Variants in PRDM5 observed in about 807,000 individuals in gnomAD.
PRDM5 encodes PR domain zinc finger protein 5.
PRDM5 carries 56 observed loss-of-function variants against 81.2 expected under a neutral mutation model. The observed-to-expected ratio is 0.69, with a 90% CI of 0.56 to 0.86. The LOEUF is 0.86. PRDM5 is among the 40% of genes least tolerant of loss of function. PRDM5 has a pLI of 0.00. For synonymous variants in PRDM5, 267 were observed against 256.4 expected (o/e 1.04, Z -0.39); for missense variants, 697 against 770.1 (o/e 0.91, Z 1.12).
At chr4:120,899,196 A>G (rs1332832733) in intron 2 of PRDM5, among the ~76,000 whole-genome samples, 4 of 152,140 alleles carry the variant, frequency 2.6e-5, no homozygotes, top group Non-Finnish European at 5.9e-5. Context: ...TACCTCAGAA[A>G]AAAAGCAGGG....
At chr4:120,853,830 A>G (rs540050001) in intron 2 of PRDM5, among the ~76,000 whole-genome samples, 5 of 152,298 alleles carry the variant, frequency 3.3e-5, no homozygotes, top group African/African-American at 1.2e-4. Flanking sequence ...AGTATATTCC[A>G]GTATATGTAT....
At chr4:120,709,068 A>C (rs889012947) in intron 15 of PRDM5, among the ~76,000 whole-genome samples, 10 of 152,170 alleles carry the variant, frequency 6.6e-5, no homozygotes, top group African/African-American at 2.2e-4. Flanking sequence ...GTTTCAAAAA[A>C]CATAACATGA....
chr4:120,773,938 A>C (rs1747680340), intron 13 of PRDM5, among the ~76,000 whole-genome samples: 1 of 152,216 alleles, frequency 6.6e-6, no homozygotes, highest in Non-Finnish European at 1.5e-5. Context: ...CTAGTTTAGC[A>C]AATGCAGGTA....
intron 3 of PRDM5, among the ~76,000 whole-genome samples, chr4:120,834,122 T>G (rs188512822): frequency 6.6e-6 from 1 of 152,276 alleles, no homozygotes; most frequent in Admixed American, 6.5e-5. Context: ...AAATCAGGCA[T>G]AGATTAAACA....
intron 15 of PRDM5, 69 bp downstream of exon 15, chr4:120,710,240 T>TACAC (rs34444497): frequency 3.9e-6 from 4 of 1,026,244 alleles, no homozygotes; most frequent in Admixed American, 2.1e-5. Flanking sequence ...CACACACACA[T>TACAC]ACACACACAC....
chr4:120,895,153 AGGG>A (rs1489108540), intron 2 of PRDM5, among the ~76,000 whole-genome samples: 1 of 152,208 alleles, frequency 6.6e-6, no homozygotes, highest in Non-Finnish European at 1.5e-5. Flanking sequence ...CACTAATGCA[AGGG>A]GGATAAGCAC....
intron 10 of PRDM5, among the ~76,000 whole-genome samples, chr4:120,788,564 G>C (rs1461694928): frequency 1.3e-5 from 2 of 152,182 alleles, no homozygotes; most frequent in Non-Finnish European, 2.9e-5. Flanking sequence ...TGGAACACAG[G>C]ATTGCTCCCA....
chr4:120,818,213 G>T, intron 5 of PRDM5, 140 bp downstream of exon 5: 2 of 797,924 alleles, frequency 2.5e-6, no homozygotes, highest in Non-Finnish European at 4.1e-6. Context: ...AATGTAAAAT[G>T]CTTAATCTCT....
chr4:120,707,310 C>T (rs1200580162), intron 15 of PRDM5, among the ~76,000 whole-genome samples: 1 of 142,848 alleles, frequency 7.0e-6, no homozygotes, highest in Non-Finnish European at 1.6e-5. Context: ...ATCATACGAA[C>T]AGAACAAAGG....
Position 120,692,524 on chromosome 4 carries a change from A to G in PRDM5, c.*2587T>C, listed in dbSNP as rs1734127944. 6.6e-6 allele frequency: 1 copy of G among 152,180 alleles called. No individual in the cohort carries two copies. Among genetic ancestry groups the G allele is most frequent in the African/African-American group, 2.4e-5 (1 of 41,448 alleles). 9.4% of individuals were successfully genotyped at this position (152,180 alleles called of 1,614,324 possible). On this transcript the variant is annotated 3_prime_UTR_variant, in exon 16 of 16. Coordinates refer to ENST00000264808, the MANE Select transcript of PRDM5 (RefSeq NM_018699.4). Reference sequence around the variant, plus strand: ...AACAACACACCATGAAAAGGAAAACAAAAGCCAGTTATTGTGAAACAAAGG... The same window carrying G: ...AACAACACACCATGAAAAGGAAAACGAAAGCCAGTTATTGTGAAACAAAGG...
chr4:120,768,442 C>G (rs1746724309), intron 13 of PRDM5, among the ~76,000 whole-genome samples: 1 of 152,068 alleles, frequency 6.6e-6, no homozygotes, highest in African/African-American at 2.4e-5. Context: ...CCTCTTTCAA[C>G]AAATTTAAAG....
At chr4:120,698,973 A>G (rs555624873) in intron 15 of PRDM5, among the ~76,000 whole-genome samples, 1 of 151,986 alleles carries the variant, frequency 6.6e-6, no homozygotes, top group Non-Finnish European at 1.5e-5. Flanking sequence ...AAACATACAC[A>G]TGTACTACTG....
At chr4:120,837,055 C>A (rs902346109) in intron 3 of PRDM5, among the ~76,000 whole-genome samples, 2 of 152,154 alleles carry the variant, frequency 1.3e-5, no homozygotes, top group Non-Finnish European at 2.9e-5. Context: ...CTTCCAGCAC[C>A]ATCTCCACCA....
At chr4:120,808,097 T>C (rs867655027) in intron 8 of PRDM5, among the ~76,000 whole-genome samples, 27 of 152,236 alleles carry the variant, frequency 1.8e-4, no homozygotes, top group African/African-American at 5.8e-4. Context: ...GCAAGACTTA[T>C]TGCAAAGAGC....
chr4:120,803,311 A>G (rs1387659186), intron 8 of PRDM5, among the ~76,000 whole-genome samples: 1 of 152,216 alleles, frequency 6.6e-6, no homozygotes, highest in African/African-American at 2.4e-5. Context: ...GAACTTACCC[A>G]ACCTAGCAAG....
intron 2 of PRDM5, among the ~76,000 whole-genome samples, chr4:120,863,189 T>TACACACACACACAC (rs1232966826): frequency 8.0e-4 from 30 of 37,348 alleles, no homozygotes; most frequent in East Asian, 2.6e-3. Context: ...TATATATATA[T>TACACACACACACAC]ATACACACAC....
chr4:120,784,263 C>T (rs192729690), intron 11 of PRDM5, among the ~76,000 whole-genome samples: 1 of 152,078 alleles, frequency 6.6e-6, no homozygotes. Context: ...TAAGTGTAGG[C>T]GTTAGACTTT....
At chr4:120,813,248 C>T (rs556645765) in intron 7 of PRDM5, among the ~76,000 whole-genome samples, 10 of 152,060 alleles carry the variant, frequency 6.6e-5, no homozygotes, top group East Asian at 1.9e-4. Context: ...TCAAATGCAC[C>T]ACAATGAATA....
chr4:120,706,587 GAGAA>G (rs1377863262), intron 15 of PRDM5, among the ~76,000 whole-genome samples: 5 of 151,926 alleles, frequency 3.3e-5, no homozygotes, highest in Admixed American at 2.0e-4. Context: ...ACCTGGGCAG[GAGAA>G]AGAAAGATTT....
Sources: allele counts gnomAD v4.1 joint callset (sites outside exome capture counted in the v4.1 genomes callset), GRCh38; gene constraint gnomAD v4.1.1; transcripts MANE v1.5; gene names NCBI Gene and HGNC (gene_info 2026-07-23, HGNC 2026-07-21).